PRKG1: variants seen among roughly 807,000 people sequenced by gnomAD.
PRKG1 encodes protein kinase cGMP-dependent 1.
A neutral mutation model predicts 88.1 loss-of-function variants in PRKG1; 35 were observed. That is an observed-to-expected ratio of 0.40 (90% CI 0.30 to 0.53). PRKG1 has a LOEUF of 0.53. PRKG1 is among the 20% of genes least tolerant of loss of function. The pLI is 0.59. For synonymous variants in PRKG1, 303 were observed against 292.5 expected (o/e 1.04, Z -0.37); for missense variants, 540 against 839.8 (o/e 0.64, Z 4.41).
chr10:51,675,813 A>G (rs1840696377), intron 3 of PRKG1, among the ~76,000 whole-genome samples: 1 of 152,206 alleles, frequency 6.6e-6, no homozygotes, highest in Non-Finnish European at 1.5e-5. Flanking sequence ...CAAAATTTCC[A>G]GAGAAATTCA....
intron 5 of PRKG1, among the ~76,000 whole-genome samples, chr10:52,038,360 G>A (rs12763723): frequency 0.15 from 22,868 of 151,352 alleles, 2,225 homozygotes; most frequent in South Asian, 0.26. Context: ...ATAAGAGGTC[G>A]GGGCATGGAA....
At chr10:51,043,622 C>G (rs969753161) in intron 1 of PRKG1, among the ~76,000 whole-genome samples, 2 of 152,218 alleles carry the variant, frequency 1.3e-5, no homozygotes, top group African/African-American at 2.4e-5. Context: ...TTACTCTAAG[C>G]AGCTCCTCCA....
rs1402054717 is a variant in PRKG1, at chr10:52,288,934, C to T, written c.1836C>T (p.Asp612=). The T allele has an allele frequency of 6.2e-7, 1 of 1,604,034 alleles. No homozygotes were observed. The highest frequency in any genetic ancestry group is 1.7e-5 in the Admixed American group (1 of 59,018). ...AAAACCATTATTTTATTTTTAGGGA[C>T]AATCCATCAGAAAGATTAGGGAATT... ...AANLIKKLCR[D]NPSERLGNLK... The change falls in exon 16 of 18, where the codon GAC becomes GAT. Residue 612 remains aspartate, a synonymous_variant. Coordinates refer to ENST00000373980, the MANE Select transcript of PRKG1 (RefSeq NM_006258.4).
intron 2 of PRKG1, among the ~76,000 whole-genome samples, chr10:51,307,865 G>A (rs1484947654): frequency 6.6e-6 from 1 of 152,092 alleles, no homozygotes. Flanking sequence ...CTCAAGGAAA[G>A]AAGAGATTCC....
intron 9 of PRKG1, among the ~76,000 whole-genome samples, chr10:52,203,837 T>G (rs1288638487): frequency 6.6e-6 from 1 of 152,178 alleles, no homozygotes; most frequent in African/African-American, 2.4e-5. Context: ...TAGCAACCCA[T>G]GCTTTTGTTT....
chr10:52,285,255 A>C (rs1842091839), intron 14 of PRKG1, among the ~76,000 whole-genome samples: 1 of 152,120 alleles, frequency 6.6e-6, no homozygotes, highest in African/African-American at 2.4e-5. Flanking sequence ...CGTCTATTCC[A>C]GTCACATGGC....
At chr10:51,602,702 A>C (rs2132228634) in intron 3 of PRKG1, among the ~76,000 whole-genome samples, 1 of 149,754 alleles carries the variant, frequency 6.7e-6, no homozygotes. Flanking sequence ...GACATGAGCC[A>C]CTGCGCCTGG....
chr10:51,924,207 A>G lies in PRKG1; in HGVS notation c.762+16637A>G, dbSNP rs181359514. Among the ~76,000 whole-genome samples the G allele has an allele frequency of 3.1e-3, 473 of 152,122 alleles. 13 individuals carry two copies. Among genetic ancestry groups the G allele is most frequent in the Admixed American group, 0.03 (463 of 15,260 alleles). ...ATTTCTCTGAAGACCTTCTTTTAAC[A>G]TTTCCTGTAAAGCAGGTCTACTGTT... On this transcript the variant is annotated intron_variant, in intron 5 of 17. Coordinates refer to ENST00000373980, the MANE Select transcript of PRKG1 (RefSeq NM_006258.4).
intron 1 of PRKG1, among the ~76,000 whole-genome samples, chr10:51,017,803 T>G (rs2132730920): frequency 6.6e-6 from 1 of 151,906 alleles, no homozygotes; most frequent in South Asian, 2.1e-4. Context: ...ATTTATTTAT[T>G]TATTTAATTT....
At chr10:51,564,130 A>G (rs1837538791) in intron 3 of PRKG1, among the ~76,000 whole-genome samples, 1 of 152,078 alleles carries the variant, frequency 6.6e-6, no homozygotes, top group African/African-American at 2.4e-5. Context: ...CCTTTGGGGC[A>G]TCAGGAAATC....
At chr10:52,016,695 C>A (rs1845048489) in intron 5 of PRKG1, among the ~76,000 whole-genome samples, 1 of 152,040 alleles carries the variant, frequency 6.6e-6, no homozygotes. Flanking sequence ...TGCCAGACAC[C>A]TTGCTAGGCT....
chr10:51,783,333 C>T, intron 3 of PRKG1, among the ~76,000 whole-genome samples: 1 of 151,990 alleles, frequency 6.6e-6, no homozygotes, highest in East Asian at 1.9e-4. Context: ...GGCTGGAGTT[C>T]AGTGGCATGA....
rs1444596661 is a variant in PRKG1 at position 51,698,647 on chromosome 10, C to T, written c.593-105938C>T. 9 of 1,614,080 alleles carry T rather than the reference C, an allele frequency of 5.6e-6. No homozygotes were observed. The East Asian group carries it at 8.9e-5, about 16-fold the overall frequency. The stretch of plus-strand genomic sequence containing the variant: ...GATCTGACATCTGCACTTGTCCCCG[C>T]TCTAAAGGCACTGGGCCAACCCCTG... On this transcript the variant is annotated intron_variant, in intron 3 of 17. Coordinates refer to ENST00000373980, the MANE Select transcript of PRKG1 (RefSeq NM_006258.4).
At chr10:51,255,027 A>G (rs1305064514) in intron 2 of PRKG1, among the ~76,000 whole-genome samples, 1 of 152,138 alleles carries the variant, frequency 6.6e-6, no homozygotes, top group Non-Finnish European at 1.5e-5. Flanking sequence ...ATTTTAAAAT[A>G]AAAACATGAT....
intron 3 of PRKG1, among the ~76,000 whole-genome samples, chr10:51,636,470 G>A (rs1242315676): frequency 2.0e-5 from 3 of 152,286 alleles, no homozygotes; most frequent in South Asian, 2.1e-4. Flanking sequence ...TAAGCTGACC[G>A]ATATTAAACA....
chr10:51,414,437 AC>A (rs1443048828), intron 2 of PRKG1, among the ~76,000 whole-genome samples: 2 of 152,202 alleles, frequency 1.3e-5, no homozygotes, highest in African/African-American at 4.8e-5. Flanking sequence ...TTCAGGCTTA[AC>A]TTTTTTGTCA....
chr10:51,906,272 C>T (rs1842084389), intron 4 of PRKG1, among the ~76,000 whole-genome samples: 1 of 152,012 alleles, frequency 6.6e-6, no homozygotes, highest in Non-Finnish European at 1.5e-5. Context: ...TGTTGAGGCA[C>T]CTATCAACAA....
chr10:51,711,867 A>AG (rs1469534254), intron 3 of PRKG1, among the ~76,000 whole-genome samples: 1 of 152,194 alleles, frequency 6.6e-6, no homozygotes, highest in Non-Finnish European at 1.5e-5. Flanking sequence ...GCAATAAACC[A>AG]GGGGGGTAAT....
intron 2 of PRKG1, among the ~76,000 whole-genome samples, chr10:51,201,927 T>C (rs1375730282): frequency 6.6e-6 from 1 of 152,270 alleles, no homozygotes; most frequent in Non-Finnish European, 1.5e-5. Flanking sequence ...AACAAGTTTC[T>C]ATTTGTAAGA....
Sources: allele counts gnomAD v4.1 joint callset (sites outside exome capture counted in the v4.1 genomes callset), GRCh38; gene constraint gnomAD v4.1.1; transcripts MANE v1.5; gene names NCBI Gene and HGNC (gene_info 2026-07-23, HGNC 2026-07-21).